The following PARD3 variants were observed in gnomAD, a reference collection of about 807,000 sequenced individuals.
PARD3 encodes partitioning defective 3 homolog.
PARD3 carries 75 observed loss-of-function variants against 155.4 expected under a neutral mutation model. The observed-to-expected ratio is 0.48, with a 90% CI of 0.40 to 0.58. The LOEUF is 0.58. PARD3 is among the 20% of genes least tolerant of loss of function. The pLI, the probability that PARD3 is intolerant of heterozygous loss-of-function variation, is 0.00. For missense variants in PARD3, 1,642 were observed against 1,721.7 expected, an observed-to-expected ratio of 0.95 and a Z score of 0.82; for synonymous variants, 576 against 610.5, an observed-to-expected ratio of 0.94 and a Z score of 0.83.
At chr10:34,120,385 A>G (rs1051188746) in intron 23 of PARD3, among the ~76,000 whole-genome samples, 11 of 151,932 alleles carry the variant, frequency 7.2e-5, no homozygotes, top group Admixed American at 6.6e-4. Flanking sequence ...AGCAGATACA[A>G]TAAGAATGAG....
chr10:34,507,829 T>A (rs746726777), intron 3 of PARD3, among the ~76,000 whole-genome samples: 1 of 152,212 alleles, frequency 6.6e-6, no homozygotes, highest in African/African-American at 2.4e-5. Context: ...ATATGCTGAA[T>A]AGAACTTGCA....
At chr10:34,505,741 T>G (rs1184670046) in intron 3 of PARD3, among the ~76,000 whole-genome samples, 6 of 152,188 alleles carry the variant, frequency 3.9e-5, no homozygotes, top group Admixed American at 3.9e-4. Flanking sequence ...TGTAAAATAT[T>G]ATATTACATA....
intron 1 of PARD3, among the ~76,000 whole-genome samples, chr10:34,771,278 A>T (rs942136680): frequency 6.6e-6 from 1 of 152,214 alleles, no homozygotes; most frequent in African/African-American, 2.4e-5. Context: ...TGCAGCTCAG[A>T]ACGTGGCTCT....
intron 22 of PARD3, among the ~76,000 whole-genome samples, chr10:34,180,097 G>A (rs554754302): frequency 2.6e-5 from 4 of 152,120 alleles, no homozygotes; most frequent in African/African-American, 9.6e-5. Flanking sequence ...GCCCAGGCTG[G>A]AGTGCAGTGG....
intron 5 of PARD3, among the ~76,000 whole-genome samples, chr10:34,430,353 T>A (rs1006827694): frequency 6.6e-6 from 1 of 152,342 alleles, no homozygotes; most frequent in East Asian, 1.9e-4. Flanking sequence ...TAGACTATTG[T>A]ACGTAATTTA....
At chr10:34,562,107 C>A (rs1489655682) in intron 2 of PARD3, among the ~76,000 whole-genome samples, 4 of 104,824 alleles carry the variant, frequency 3.8e-5, no homozygotes, top group East Asian at 3.1e-4. Context: ...GCCTGGGTGA[C>A]GGAGCCTGAC....
chr10:34,771,889 C>T (rs929683229), intron 1 of PARD3, among the ~76,000 whole-genome samples: 2 of 152,148 alleles, frequency 1.3e-5, no homozygotes, highest in Admixed American at 6.5e-5. Context: ...CCTAACAGCT[C>T]GCCAGGATAA....
At chr10:34,597,133 A>G (rs2089344196) in intron 2 of PARD3, among the ~76,000 whole-genome samples, 1 of 152,132 alleles carries the variant, frequency 6.6e-6, no homozygotes, top group Non-Finnish European at 1.5e-5. Flanking sequence ...AATATACTAG[A>G]GTTAAGAACA....
intron 1 of PARD3, among the ~76,000 whole-genome samples, chr10:34,747,342 G>A (rs984844543): frequency 1.3e-5 from 2 of 152,208 alleles, no homozygotes; most frequent in South Asian, 2.1e-4. Context: ...GTGGCAATTC[G>A]TTTTCCATGT....
At chr10:34,209,857 AT>A (rs1380768418) in intron 22 of PARD3, among the ~76,000 whole-genome samples, 2 of 152,238 alleles carry the variant, frequency 1.3e-5, no homozygotes, top group African/African-American at 4.8e-5. Flanking sequence ...AGTTGTTATA[AT>A]GATAAAACTG....
chr10:34,183,123 AT>A (rs1950337865), intron 22 of PARD3, among the ~76,000 whole-genome samples: 1 of 152,224 alleles, frequency 6.6e-6, no homozygotes, highest in African/African-American at 2.4e-5. Context: ...AAAAACTCCT[AT>A]CTGTCAAATA....
At position 34,121,922 on chromosome 10, in the gene PARD3, G is replaced by A. The variant is rs529240848; in HGVS notation, c.3541-2182C>T. On this transcript the variant is annotated intron_variant, in intron 23 of 24. Coordinates refer to ENST00000374788, the MANE Select transcript of PARD3 (RefSeq NM_001184785.2). ...GCAAGAAAAACACTTCGCTGAGCGAGTTCTGCTTATGCAAACAATTGTTCA... is the reference window on the plus strand; with the variant it reads ...GCAAGAAAAACACTTCGCTGAGCGAATTCTGCTTATGCAAACAATTGTTCA... Among the ~76,000 whole-genome samples the A allele has an allele frequency of 7.0e-4, 107 of 152,302 alleles. 1 individual carries two copies. The highest frequency in any genetic ancestry group is 2.4e-3 in the African/African-American group (98 of 41,574).
intron 22 of PARD3, among the ~76,000 whole-genome samples, chr10:34,167,535 A>T (rs1564449348): frequency 6.6e-6 from 1 of 151,952 alleles, no homozygotes; most frequent in Non-Finnish European, 1.5e-5. Context: ...AGCCCCCAAA[A>T]CCCTCAAGTC....
intron 23 of PARD3, among the ~76,000 whole-genome samples, chr10:34,120,587 G>C (rs916721854): frequency 1.3e-5 from 2 of 152,042 alleles, no homozygotes; most frequent in Admixed American, 6.6e-5. Context: ...TCTAGTACAG[G>C]ATGACAGTGA....
chr10:34,284,718 A>C (rs1173310340), intron 20 of PARD3, among the ~76,000 whole-genome samples: 1 of 152,218 alleles, frequency 6.6e-6, no homozygotes, highest in East Asian at 1.9e-4. Flanking sequence ...CATTCATCAT[A>C]GTTTAAAAAC....
chr10:34,290,888 C>T (rs1005576857), intron 20 of PARD3, among the ~76,000 whole-genome samples: 1 of 152,200 alleles, frequency 6.6e-6, no homozygotes, highest in Non-Finnish European at 1.5e-5. Context: ...TGTCCTGTGT[C>T]ATTCCTGTGT....
chr10:34,506,317 T>G (rs994185935), intron 3 of PARD3, among the ~76,000 whole-genome samples: 2 of 152,104 alleles, frequency 1.3e-5, no homozygotes, highest in East Asian at 3.8e-4. Context: ...AGTTATGCCA[T>G]GAGTACAGAA....
At chr10:34,666,396 G>C (rs1452971022) in intron 2 of PARD3, among the ~76,000 whole-genome samples, 5 of 152,062 alleles carry the variant, frequency 3.3e-5, no homozygotes, top group Admixed American at 3.3e-4. Flanking sequence ...GAATAAAAAT[G>C]TCTGAGAATC....
intron 2 of PARD3, among the ~76,000 whole-genome samples, chr10:34,678,037 T>G (rs2093741562): frequency 6.6e-6 from 1 of 152,106 alleles, no homozygotes; most frequent in Admixed American, 6.5e-5. Flanking sequence ...AAGAATTCTT[T>G]TTAAAAAATG....
Sources: allele counts gnomAD v4.1 joint callset (sites outside exome capture counted in the v4.1 genomes callset), GRCh38; gene constraint gnomAD v4.1.1; transcripts MANE v1.5; gene names NCBI Gene and HGNC (gene_info 2026-07-23, HGNC 2026-07-21).